The following ZNF723 variants were observed in gnomAD, a reference collection of about 807,000 sequenced individuals.
The protein encoded by ZNF723 is zinc finger protein 723, pseudogene.
A neutral mutation model predicts 9.4 loss-of-function variants in ZNF723; 5 were observed. The ratio of observed to expected loss-of-function variants is 0.53; its 90% CI spans 0.28 to 1.12. The LOEUF is 1.12. ZNF723 is among the 50% of genes most tolerant of loss of function. The pLI is 0.10. For missense variants in ZNF723, 450 were observed against 501.5 expected, an observed-to-expected ratio of 0.90 and a Z score of 0.98; for synonymous variants, 158 against 168.8, an observed-to-expected ratio of 0.94 and a Z score of 0.49.
chr19:22,848,417 G>C lies in ZNF723; in HGVS notation c.130+30G>C, dbSNP rs533267067. ...GAATAACTTCAATACACAATCCTCA[G>C]ATACTGTAAATGTTTCTTTTTTTGG... On this transcript the variant is annotated intron_variant, in intron 2 of 3. Transcript: ENST00000600766. 3 of 1,304,680 alleles carry C rather than the reference G, an allele frequency of 2.3e-6. No individual in the cohort carries two copies. In the African/African-American group the frequency reaches 4.5e-5, roughly 20 times the overall value. 80.8% of individuals were successfully genotyped at this position (1,304,680 alleles called of 1,614,324 possible).
chr19:22,838,482 G>A (rs911366058), intron 1 of ZNF723, among the ~76,000 whole-genome samples: 5 of 152,070 alleles, frequency 3.3e-5, no homozygotes, highest in Admixed American at 6.5e-5. Flanking sequence ...GACCCGGGAG[G>A]CGGAGGTTGT....
Position 22,858,091 on chromosome 19 carries a change from A to G in ZNF723, c.1200A>G (p.Glu400=), listed in dbSNP as rs1212590440. Residue 400 remains glutamate (E), a synonymous_variant, in exon 4 of 4, where the codon GAA becomes GAG. Coordinates refer to ENST00000600766, the MANE Select transcript of ZNF723 (RefSeq NM_001349726.2). ...IHTGEKPYKC[E]ECGKAFNQSS... ...CTGGAGAGAAACCCTACAAATGTGA[A>G]GAATGTGGCAAAGCCTTTAACCAAT... 21 of 1,500,994 alleles carry G rather than the reference A, an allele frequency of 1.4e-5. No homozygotes were observed. Among genetic ancestry groups the G allele is most frequent in the Middle Eastern group, 1.7e-4 (1 of 5,880 alleles). The allele number at this position is 1,500,994 out of a possible 1,614,324, so 93.0% of individuals were successfully genotyped here.
the ZNF723 span, among the ~76,000 whole-genome samples, chr19:22,812,220 C>T: frequency 6.6e-6 from 1 of 152,192 alleles, no homozygotes; most frequent in Non-Finnish European, 1.5e-5. Flanking sequence ...ATCCACCTGC[C>T]TCAGCCTCCT....
upstream of ZNF723, among the ~76,000 whole-genome samples, chr19:22,831,285 A>G (rs453175): frequency 0.2 from 29,896 of 152,044 alleles, 3,541 homozygotes; most frequent in African/African-American, 0.33. Context: ...GGCCGGGTGC[A>G]GTGACTCACT....
chr19:22,829,302 T>C (rs1599468009), upstream of ZNF723, among the ~76,000 whole-genome samples: 1 of 143,348 alleles, frequency 7.0e-6, no homozygotes, highest in African/African-American at 2.7e-5. Flanking sequence ...TTTTTTTTTT[T>C]TGAGATGCCG....
At chr19:22,830,289 A>G (rs1053347654), upstream of ZNF723, among the ~76,000 whole-genome samples, 1 of 152,174 alleles carries the variant, frequency 6.6e-6, no homozygotes, top group African/African-American at 2.4e-5. Context: ...CTCCTGGTTC[A>G]GTAACCTGGG....
At chr19:22,834,787 A>C (rs1195826609) in intron 1 of ZNF723, among the ~76,000 whole-genome samples, 1 of 152,180 alleles carries the variant, frequency 6.6e-6, no homozygotes, top group Non-Finnish European at 1.5e-5. Context: ...TGAGAGCAAA[A>C]CAGAAATAAT....
chr19:22,819,925 G>C, the ZNF723 span, among the ~76,000 whole-genome samples: 11 of 152,108 alleles, frequency 7.2e-5, 1 homozygote, highest in East Asian at 2.1e-3. Flanking sequence ...TAGGTGATTT[G>C]ACTCTTCTGC....
the ZNF723 span, among the ~76,000 whole-genome samples, chr19:22,813,947 G>A: frequency 6.6e-6 from 1 of 151,756 alleles, no homozygotes; most frequent in African/African-American, 2.4e-5. Context: ...GAGTAGCTGG[G>A]ACTACAGGCG....
chr19:22,828,075 C>T (rs1967056644), upstream of ZNF723, among the ~76,000 whole-genome samples: 1 of 151,888 alleles, frequency 6.6e-6, no homozygotes, highest in Admixed American at 6.6e-5. Flanking sequence ...AGTGAAACTC[C>T]ATCTAAAAAA....
chr19:22,829,356 G>A (rs918101295), upstream of ZNF723, among the ~76,000 whole-genome samples: 12 of 150,156 alleles, frequency 8.0e-5, no homozygotes, highest in South Asian at 2.1e-4. Context: ...CGAGATTTCC[G>A]TGCACTACAA....
intron 3 of ZNF723, among the ~76,000 whole-genome samples, chr19:22,853,957 G>A (rs1406803437): frequency 2.0e-5 from 3 of 152,030 alleles, no homozygotes; most frequent in Non-Finnish European, 2.9e-5. Context: ...GTTGAGGAGT[G>A]TTCTCTATAC....
intron 1 of ZNF723, among the ~76,000 whole-genome samples, chr19:22,834,616 T>C (rs1481608846): frequency 6.6e-6 from 1 of 152,176 alleles, no homozygotes; most frequent in African/African-American, 2.4e-5. Flanking sequence ...GTATGGAGTG[T>C]AGCCTCTCCA....
chr19:22,814,852 C>G, the ZNF723 span, among the ~76,000 whole-genome samples: 2 of 152,104 alleles, frequency 1.3e-5, no homozygotes, highest in Non-Finnish European at 2.9e-5. Flanking sequence ...TTTTCACAGA[C>G]AGCATAGTGA....
At chr19:22,815,795 G>A in the ZNF723 span, among the ~76,000 whole-genome samples, 1,106 of 151,814 alleles carry the variant, frequency 7.3e-3, 14 homozygotes, top group African/African-American at 0.026. Context: ...AAGCCCTTGA[G>A]GGGTACAGAA....
chr19:22,825,575 G>A, the ZNF723 span, among the ~76,000 whole-genome samples: 2 of 152,182 alleles, frequency 1.3e-5, no homozygotes, highest in African/African-American at 2.4e-5. Flanking sequence ...ATATTGCTGG[G>A]CCCAGCACAT....
At chr19:22,826,322 A>G in the ZNF723 span, among the ~76,000 whole-genome samples, 4 of 151,682 alleles carry the variant, frequency 2.6e-5, no homozygotes, top group Non-Finnish European at 5.9e-5. Flanking sequence ...GCTAACAGGG[A>G]TGAAGATGAC....
At chr19:22,828,737 A>G (rs75805224), upstream of ZNF723, among the ~76,000 whole-genome samples, 2,660 of 152,290 alleles carry the variant, frequency 0.017, 63 homozygotes, top group African/African-American at 0.061. Flanking sequence ...AAACCAAACC[A>G]AAATGAGTCA....
chr19:22,858,288 C>A lies in ZNF723; in HGVS notation c.1397C>A (p.Ser466Ter). The change falls in exon 4 of 4, where the codon TCA (serine) becomes TAA (stop). Residue 466 changes from serine to a stop codon, truncating the protein, a stop_gained. Transcript: ENST00000600766. LOFTEE classifies it low-confidence loss of function (END_TRUNC). ...TGTGGCAAAGCTTTTAACCAATATT[C>A]AACCCTTAATAAACATAAGATAATT... ...EECGKAFNQY[S>*]TLNKHKIIHA... is the part of the protein sequence containing the mutation. 1.6e-6 allele frequency: 2 copies of A among 1,237,808 alleles called. No individual in the cohort carries two copies. Among genetic ancestry groups the A allele is most frequent in the Non-Finnish European group, 2.4e-6 (2 of 841,878 alleles). The allele number at this position is 1,237,808 out of a possible 1,614,324, so 76.7% of individuals were successfully genotyped here. A position where few individuals can be genotyped will look rare whatever the true frequency, so the allele number is the denominator to read the frequency against.
Sources: allele counts gnomAD v4.1 joint callset (sites outside exome capture counted in the v4.1 genomes callset), GRCh38; gene constraint gnomAD v4.1.1; transcripts MANE v1.5; gene names NCBI Gene and HGNC (gene_info 2026-07-23, HGNC 2026-07-21).